TSHZ1: variants seen among roughly 807,000 people sequenced by gnomAD.
TSHZ1 encodes the protein teashirt zinc finger homeobox 1, also known as teashirt homolog 1.
Under a neutral mutation model 67.1 loss-of-function variants are expected in TSHZ1, and 12 were observed. The ratio of observed to expected loss-of-function variants is 0.18; its 90% CI spans 0.11 to 0.29. The LOEUF (loss-of-function observed/expected upper bound fraction) is 0.29, where lower values mean the gene tolerates loss of function less well. Ranked by LOEUF, TSHZ1 falls within the 10% of genes least tolerant of loss-of-function variation. The pLI is 1.00. For synonymous variants in TSHZ1, 632 were observed against 622.4 expected (o/e 1.02, Z -0.23); for missense variants, 1,305 against 1,413.9 (o/e 0.92, Z 1.23).
intron 1 of TSHZ1, among the ~76,000 whole-genome samples, chr18:75,224,087 C>T (rs2022886029): frequency 1.4e-5 from 2 of 145,822 alleles, no homozygotes; most frequent in South Asian, 2.1e-4. Flanking sequence ...AAAAGATCCT[C>T]ACTTTTTTTT....
At chr18:75,252,644 A>G (rs2122569357) in intron 1 of TSHZ1, among the ~76,000 whole-genome samples, 1 of 152,142 alleles carries the variant, frequency 6.6e-6, no homozygotes, top group East Asian at 1.9e-4. Context: ...TCACCTTATT[A>G]TTTTTCTAAA....
intron 1 of TSHZ1, among the ~76,000 whole-genome samples, chr18:75,269,861 A>T (rs1257628107): frequency 6.6e-6 from 1 of 152,090 alleles, no homozygotes; most frequent in Non-Finnish European, 1.5e-5. Context: ...TGTCTCTGTG[A>T]TGAAGCCTGA....
intron 1 of TSHZ1, among the ~76,000 whole-genome samples, chr18:75,236,557 A>G (rs145881899): frequency 0.018 from 2,816 of 152,270 alleles, 33 homozygotes; most frequent in South Asian, 0.033. Context: ...GATATCTGAT[A>G]ATAATAACAA....
intron 1 of TSHZ1, among the ~76,000 whole-genome samples, chr18:75,236,394 G>A (rs1229685239): frequency 6.6e-6 from 1 of 152,156 alleles, no homozygotes; most frequent in African/African-American, 2.4e-5. Context: ...ACAAGAAGAT[G>A]GACAGCTGTC....
Position 75,286,644 on chromosome 18 carries a change from G to A in TSHZ1, c.1237G>A (p.Ala413Thr). 1 of 1,614,242 alleles carries A rather than the reference G, an allele frequency of 6.2e-7. No homozygotes were observed. The highest frequency in any genetic ancestry group is 8.5e-7 in the Non-Finnish European group (1 of 1,180,052). Residue 413 changes from alanine (A) to threonine (T), a missense_variant, in exon 2 of 2, where the codon GCG becomes ACG. Ala to Thr is a moderately conservative substitution (Grantham distance 58). This residue lies in a region of TSHZ1 where 909 missense variants were observed against 961.8 expected (regional missense o/e 0.95). Coordinates refer to ENST00000580243, the MANE Select transcript of TSHZ1 (RefSeq NM_001308210.2). This position sits in a 1 kb window ranked among gnomAD's most constrained non-coding sequence, Gnocchi z 5.1. Reference protein sequence around the residue: ...SYTWQFEARKAQILKCMECGS... With the variant: ...SYTWQFEARKTQILKCMECGS... The stretch of plus-strand genomic sequence containing the variant: ...CACCTGGCAGTTTGAGGCCCGCAAG[G>A]CGCAGATCCTCAAGTGCATGGAGTG...
rs1194180726 is a variant in TSHZ1 at position 75,276,904 on chromosome 18, G to T, written c.41-8544G>T. Among the ~76,000 whole-genome samples, 4 of 152,342 alleles carry T rather than the reference G, an allele frequency of 2.6e-5. No individual in the cohort carries two copies. In the East Asian group the frequency reaches 5.8e-4, roughly 22 times the overall value. On this transcript the variant is annotated intron_variant, in intron 1 of 1. Coordinates refer to ENST00000580243, the MANE Select transcript of TSHZ1 (RefSeq NM_001308210.2). ...TCACAGCCAGCTCTCACTTACGTGT[G>T]CTAATGAGGAAAAGAGAGCTTGGGT...
At chr18:75,264,140 A>G (rs968147290) in intron 1 of TSHZ1, among the ~76,000 whole-genome samples, 2 of 152,252 alleles carry the variant, frequency 1.3e-5, no homozygotes, top group African/African-American at 4.8e-5. Flanking sequence ...CTCATTTATA[A>G]GATGATAGTA....
At chr18:75,256,456 C>T (rs1435856373) in intron 1 of TSHZ1, among the ~76,000 whole-genome samples, 10 of 152,122 alleles carry the variant, frequency 6.6e-5, no homozygotes, top group Admixed American at 2.0e-4. Context: ...AGTCTACTTC[C>T]CCTGGCCTAA....
intron 1 of TSHZ1, among the ~76,000 whole-genome samples, chr18:75,277,450 G>A (rs1446004633): frequency 7.2e-5 from 11 of 152,128 alleles, no homozygotes; most frequent in Middle Eastern, 3.2e-3. Flanking sequence ...GCAGAGCACC[G>A]TAGACTGTGT....
intron 1 of TSHZ1, among the ~76,000 whole-genome samples, chr18:75,279,675 G>C (rs144316109): frequency 1.1e-3 from 174 of 152,360 alleles, no homozygotes; most frequent in African/African-American, 4.0e-3. Context: ...GCTCACTCAT[G>C]TTCTCAACCC....
At chr18:75,259,598 A>C (rs1035678355) in intron 1 of TSHZ1, among the ~76,000 whole-genome samples, 6 of 152,204 alleles carry the variant, frequency 3.9e-5, no homozygotes, top group Non-Finnish European at 7.3e-5. Context: ...TGATAGTTTG[A>C]GAAAGAGACC....
intron 1 of TSHZ1, among the ~76,000 whole-genome samples, chr18:75,272,291 G>C (rs979273031): frequency 1.3e-5 from 2 of 152,344 alleles, no homozygotes; most frequent in Non-Finnish European, 2.9e-5. Flanking sequence ...CTCCTTTGCA[G>C]ACCTTTAGCT....
intron 1 of TSHZ1, among the ~76,000 whole-genome samples, chr18:75,251,479 ATTCT>A (rs903459997): frequency 1.1e-4 from 15 of 132,432 alleles, no homozygotes; most frequent in African/African-American, 2.8e-4. Flanking sequence ...CATTTTCATT[ATTCT>A]TTCTTTAGGG....
In TSHZ1 at chr18:75,273,109, CT is replaced by C. The variant is rs1451891564; in HGVS notation, c.41-12335del. 1.0e-3 allele frequency among the ~76,000 whole-genome samples: 155 copies of C among 152,300 alleles called. 2 individuals are homozygous for C. The highest frequency in any genetic ancestry group is 7.5e-4 in the Non-Finnish European group (51 of 68,030). On this transcript the variant is annotated intron_variant, in intron 1 of 1. Coordinates refer to ENST00000580243, the MANE Select transcript of TSHZ1 (RefSeq NM_001308210.2). ...TTTTTCAGCATAGATTTGAAGCTGA[CT>C]TTTAGAAAGCAGAGCATGTTCAGGG...
intron 1 of TSHZ1, among the ~76,000 whole-genome samples, chr18:75,282,351 C>T (rs899329475): frequency 6.6e-6 from 1 of 152,144 alleles, no homozygotes; most frequent in East Asian, 1.9e-4. Context: ...GGCACCTGCT[C>T]CAAGCAAGGG....
At chr18:75,257,967 CAG>C (rs1006202661) in intron 1 of TSHZ1, among the ~76,000 whole-genome samples, 6 of 152,226 alleles carry the variant, frequency 3.9e-5, no homozygotes, top group African/African-American at 1.4e-4. Context: ...GCCTCGTCAT[CAG>C]AGGGGGCATC....
Position 75,289,433 on chromosome 18 carries a change from G to C in TSHZ1, c.*792G>C, listed in dbSNP as rs1470183592. On this transcript the variant is annotated 3_prime_UTR_variant, in exon 2 of 2. Coordinates refer to ENST00000580243, the MANE Select transcript of TSHZ1 (RefSeq NM_001308210.2). ...TTCCTGTAAAATATTGCAGTTTATA[G>C]TTATTTACAAATGTAAGCTTTGGTA... The C allele has an allele frequency of 1.2e-5, 2 of 166,854 alleles. No homozygotes were observed. The highest frequency in any genetic ancestry group is 2.9e-5 in the Non-Finnish European group (2 of 68,102). 10.3% of individuals were successfully genotyped at this position (166,854 alleles called of 1,614,324 possible). A position where few individuals can be genotyped will look rare whatever the true frequency, so the allele number is the denominator to read the frequency against.
intron 1 of TSHZ1, among the ~76,000 whole-genome samples, chr18:75,239,384 C>T (rs1408119612): frequency 2.0e-5 from 3 of 152,174 alleles, no homozygotes; most frequent in Admixed American, 6.5e-5. Flanking sequence ...TGGAAGAATA[C>T]GGACACCTTG....
chr18:75,225,389 C>A (rs1307674085), intron 1 of TSHZ1, among the ~76,000 whole-genome samples: 1 of 152,190 alleles, frequency 6.6e-6, no homozygotes, highest in Non-Finnish European at 1.5e-5. Flanking sequence ...GTGGAGCTCG[C>A]GGGAGAGTTG....
Sources: gnomAD v4.1 joint callset for allele counts (sites outside exome capture counted in the v4.1 genomes callset) on GRCh38, gnomAD v4.1.1 for gene constraint, gnomAD v4.1.1 regional missense constraint, Gnocchi (gnomAD v3.1) non-coding constraint, MANE v1.5 for transcripts, NCBI Gene and HGNC (gene_info 2026-07-23, HGNC 2026-07-21) for gene names.